ZNF800: variants seen among roughly 807,000 people sequenced by gnomAD.
ZNF800 encodes zinc finger protein 800.
In ZNF800, 13 loss-of-function variants were observed where a neutral mutation model predicts 59.5. The ratio of observed to expected loss-of-function variants is 0.22; its 90% CI spans 0.14 to 0.35. The LOEUF is 0.35. Among genes scored for constraint, ZNF800 ranks in the 10% least tolerant of loss-of-function variants. The pLI, the probability that ZNF800 is intolerant of heterozygous loss-of-function variation, is 1.00. For missense variants in ZNF800, 621 were observed against 783.7 expected (o/e 0.79, Z 2.48); for synonymous variants, 266 against 265.7 (o/e 1.00, Z -0.01).
Position 127,373,910 on chromosome 7 carries a change from T to C in ZNF800, c.1426A>G (p.Lys476Glu). The stretch of plus-strand genomic sequence containing the variant: ...TTAAAGTCAAAGCCAGCTGAAAGTT[T>C]TGGTTTTCTGGTTTTTTGCTGGCCA... Reference protein sequence around the residue: ...AGGQQKTRKPKLSAGFDFKQL... With the variant: ...AGGQQKTRKPELSAGFDFKQL... The change falls in exon 5 of 6, where the codon AAA becomes GAA. Residue 476 changes from lysine to glutamate, a missense_variant. By Grantham distance (56) the Lys-to-Glu change is moderately conservative (BLOSUM62 1). Around this residue, in one of 7 missense-constraint regions of ZNF800, gnomAD observed 185 missense variants for 177.6 expected, o/e 1.04. Coordinates refer to ENST00000265827, the MANE Select transcript of ZNF800 (RefSeq NM_176814.5). 1 of 1,614,192 alleles carries C rather than the reference T, an allele frequency of 6.2e-7. No homozygotes were observed. Among genetic ancestry groups the C allele is most frequent in the Non-Finnish European group, 8.5e-7 (1 of 1,180,026 alleles).
At position 127,377,104 on chromosome 7, in the gene ZNF800, A is replaced by G; in HGVS notation, c.301+82T>C. 1 of 1,258,636 alleles carries G rather than the reference A, an allele frequency of 7.9e-7. No individual in the cohort carries two copies. The highest frequency in any genetic ancestry group is 1.1e-6 in the Non-Finnish European group (1 of 924,650). 78.0% of individuals were successfully genotyped at this position (1,258,636 alleles called of 1,614,324 possible). A position where few individuals can be genotyped will look rare whatever the true frequency, so the allele number is the denominator to read the frequency against. ...ATTATCAAATTATCAGTAACTAGAT[A>G]CAATTTTAATGCAAATGTATACTTG... On this transcript the variant is annotated intron_variant, in intron 4 of 5. Transcript: ENST00000265827. The surrounding 1 kb of genome is among the most constrained non-coding windows in gnomAD (Gnocchi z 4.7).
intron 1 of ZNF800, chr7:127,363,390 G>A (rs143349634): frequency 6.6e-6 from 1 of 151,850 alleles, no homozygotes; most frequent in African/African-American, 2.4e-5. Flanking sequence ...TGAAGACCTA[G>A]TAACAAAACA....
At chr7:127,357,862 G>A (rs1047042092) in intron 1 of ZNF800, among the ~76,000 whole-genome samples, 2 of 151,806 alleles carry the variant, frequency 1.3e-5, no homozygotes, top group Non-Finnish European at 2.9e-5. Context: ...GAGAGAGAGA[G>A]ACAGCATCAG....
At chr7:127,391,928 C>T (rs373250125) in intron 1 of ZNF800, 132 bp downstream of exon 1, 1 of 369,356 alleles carries the variant, frequency 2.7e-6, no homozygotes, top group Admixed American at 4.6e-5. Flanking sequence ...CGGCGGGCAC[C>T]GCCGGGCTCC....
intron 3 of ZNF800, among the ~76,000 whole-genome samples, chr7:127,380,425 CTTTT>C (rs1440280807): frequency 6.6e-6 from 1 of 152,070 alleles, no homozygotes; most frequent in Non-Finnish European, 1.5e-5. Flanking sequence ...GACTTTAAAA[CTTTT>C]TTAATTCCAC....
At chr7:127,378,421 T>C (rs1800851608) in intron 3 of ZNF800, among the ~76,000 whole-genome samples, 1 of 152,060 alleles carries the variant, frequency 6.6e-6, no homozygotes, top group Admixed American at 6.6e-5. Context: ...AAATTAAAAC[T>C]TTTTTAAAAT....
In ZNF800 at chr7:127,374,756, G is replaced by C. The variant is rs751032432; in HGVS notation, c.580C>G (p.Pro194Ala). The C allele has an allele frequency of 9.9e-6, 16 of 1,613,904 alleles. No homozygotes were observed. The highest frequency in any genetic ancestry group is 1.3e-5 in the Non-Finnish European group (15 of 1,179,906). Residue 194 changes from proline to alanine, a missense_variant, in exon 5 of 6, where the codon CCT becomes GCT. Physicochemically the swap from Pro to Ala is conservative, Grantham distance 27. Coordinates refer to ENST00000265827, the MANE Select transcript of ZNF800 (RefSeq NM_176814.5). ...TCATCTGTAACAATCTCAACAGGAGGGGGCTCTACAGTTTCCACCTCTGTA... is the reference window on the plus strand; with the variant it reads ...TCATCTGTAACAATCTCAACAGGAGCGGGCTCTACAGTTTCCACCTCTGTA... ...TDTEVETVEP[P>A]PVEIVTDEVA... is the part of the protein sequence containing the mutation.
In ZNF800 at chr7:127,371,707, T is replaced by C. The variant is rs1800636070; in HGVS notation, c.*107A>G. On this transcript the variant is annotated 3_prime_UTR_variant, in exon 6 of 6. Transcript: ENST00000265827. Reference sequence around the variant, plus strand: ...TTGAATATTTAGAAAAATGTTTTTCTTTTTTTCCTCATAGTACCATTTGAA... The same window carrying C: ...TTGAATATTTAGAAAAATGTTTTTCCTTTTTTCCTCATAGTACCATTTGAA... The C allele has an allele frequency of 3.3e-6, 2 of 603,548 alleles. No individual in the cohort carries two copies. Among genetic ancestry groups the C allele is most frequent in the Non-Finnish European group, 6.1e-6 (2 of 329,326 alleles). 37.4% of individuals were successfully genotyped at this position (603,548 alleles called of 1,614,324 possible).
chr7:127,358,428 C>T (rs963449093), intron 1 of ZNF800, among the ~76,000 whole-genome samples: 10 of 152,034 alleles, frequency 6.6e-5, no homozygotes, highest in African/African-American at 2.4e-4. Flanking sequence ...TGATTTCCCT[C>T]ACACAATCCC....
rs577977623 is a variant in ZNF800, at chr7:127,384,227, C to CTTTTTTTTTTTTTTTTTTTTT, written c.157+1812_157+1832dup. 2.8e-4 allele frequency among the ~76,000 whole-genome samples: 18 copies of CTTTTTTTTTTTTTTTTTTTTT among 63,382 alleles called. 5 individuals carry two copies. Among genetic ancestry groups the CTTTTTTTTTTTTTTTTTTTTT allele is most frequent in the African/African-American group, 6.3e-4 (9 of 14,228 alleles). The allele number at this position is 63,382 out of a possible 152,430, so 41.6% of individuals were successfully genotyped here. ...CTTATGACTTAACTAATTCTAACTTCTTTTTTTTTTTTTTTTTTTTTTTTT... is the reference window on the plus strand; with the variant it reads ...CTTATGACTTAACTAATTCTAACTTCTTTTTTTTTTTTTTTTTTTTTTTTTTTTTTTTTTTTTTTTTTTTTT... On this transcript the variant is annotated intron_variant, in intron 3 of 5. Coordinates refer to ENST00000265827, the MANE Select transcript of ZNF800 (RefSeq NM_176814.5).
intron 1 of ZNF800, chr7:127,364,899 T>C (rs1327453104): frequency 6.6e-6 from 1 of 152,100 alleles, no homozygotes; most frequent in Non-Finnish European, 1.5e-5. Context: ...AAGAACAGTG[T>C]GAAAAGTTTG....
chr7:127,383,394 G>A (rs1801030454), intron 3 of ZNF800, among the ~76,000 whole-genome samples: 1 of 152,092 alleles, frequency 6.6e-6, no homozygotes, highest in African/African-American at 2.4e-5. Flanking sequence ...TGGACTTCAG[G>A]GTTCTATCTT....
intron 1 of ZNF800, chr7:127,350,063 C>T (rs1253300690): frequency 6.6e-6 from 1 of 152,186 alleles, no homozygotes; most frequent in African/African-American, 2.4e-5. Flanking sequence ...AAATTACTCG[C>T]CATTGTCGTG....
Position 127,374,518 on chromosome 7 carries a change from G to C in ZNF800, c.818C>G (p.Ser273Cys). 1 of 1,614,114 alleles carries C rather than the reference G, an allele frequency of 6.2e-7. No homozygotes were observed. Among genetic ancestry groups the C allele is most frequent in the South Asian group, 1.1e-5 (1 of 91,084 alleles). The stretch of plus-strand genomic sequence containing the variant: ...AACATTCTTACTGCGTCCTTTAGAG[G>C]ATTGGTTTGGATTCTTTCGTGTTTC... ...YIETRKNPNQ[S>C]SKGRSKNVLV... The change falls in exon 5 of 6, where the codon TCC (serine) becomes TGC (cysteine). Residue 273 changes from serine (S) to cysteine (C), a missense_variant. By Grantham distance (112) the Ser-to-Cys change is moderately radical (BLOSUM62 -1). Around this residue, in one of 7 missense-constraint regions of ZNF800, gnomAD observed 218 missense variants for 230.8 expected, o/e 0.94. Coordinates refer to ENST00000265827, the MANE Select transcript of ZNF800 (RefSeq NM_176814.5).
chr7:127,380,970 C>T (rs961354956), intron 3 of ZNF800, among the ~76,000 whole-genome samples: 11 of 152,286 alleles, frequency 7.2e-5, no homozygotes, highest in Admixed American at 7.2e-4. Flanking sequence ...AAGGGTTTAT[C>T]TTGTGTTATT....
chr7:127,344,504 A>T (rs1246880808), downstream of ZNF800, among the ~76,000 whole-genome samples: 2 of 152,076 alleles, frequency 1.3e-5, no homozygotes, highest in African/African-American at 4.8e-5. Context: ...TTTCTTTTGG[A>T]ATGTGACCAA....
rs576812396 is a variant in ZNF800 at position 127,354,286 on chromosome 7, A to C, written n.225-6243T>G. ...ATCAGTGACCCTCTCTTCCTGAAAG[A>C]AATGTGAAATACTACATCATGTTGC... On this transcript the variant is annotated intron_variant and non_coding_transcript_variant, in intron 1 of 1. Transcript: ENST00000485577. Among the ~76,000 whole-genome samples, 68 of 151,868 alleles carry C rather than the reference A, an allele frequency of 4.5e-4. 1 individual carries two copies. The highest frequency in any genetic ancestry group is 1.6e-3 in the African/African-American group (64 of 41,204).
intron 1 of ZNF800, 99 bp downstream of exon 1, chr7:127,391,961 C>T (rs986629540): frequency 3.4e-5 from 13 of 378,364 alleles, no homozygotes; most frequent in Non-Finnish European, 4.7e-5. Context: ...GTGCCGCTCC[C>T]GCCGGCTGCT....
chr7:127,376,948 T>C (rs1800803718), intron 4 of ZNF800, among the ~76,000 whole-genome samples: 1 of 151,992 alleles, frequency 6.6e-6, no homozygotes, highest in Non-Finnish European at 1.5e-5. Context: ...TAACCTCTTA[T>C]ATGTCATCTT....
Sources: gnomAD v4.1 joint callset for allele counts (sites outside exome capture counted in the v4.1 genomes callset) on GRCh38, gnomAD v4.1.1 for gene constraint, gnomAD v4.1.1 regional missense constraint, Gnocchi (gnomAD v3.1) non-coding constraint, MANE v1.5 for transcripts, NCBI Gene and HGNC (gene_info 2026-07-23, HGNC 2026-07-21) for gene names.